The following THRAP3 variants were observed in gnomAD, a reference collection of about 807,000 sequenced individuals.
The protein encoded by THRAP3 is thyroid hormone receptor associated protein 3.
THRAP3 carries 16 observed loss-of-function variants against 101.0 expected under a neutral mutation model. The observed-to-expected ratio is 0.16, with a 90% CI of 0.11 to 0.24. The LOEUF (loss-of-function observed/expected upper bound fraction) is 0.24, where lower values mean the gene tolerates loss of function less well. Among genes scored for constraint, THRAP3 ranks in the 10% least tolerant of loss-of-function variants. The pLI, the probability that THRAP3 is intolerant of heterozygous loss-of-function variation, is 1.00. For synonymous variants in THRAP3, 407 were observed against 422.6 expected (o/e 0.96, Z 0.45); for missense variants, 989 against 1,202.7 (o/e 0.82, Z 2.63).
intron 1 of THRAP3, among the ~76,000 whole-genome samples, chr1:36,252,749 A>G (rs1645318317): frequency 6.6e-6 from 1 of 151,542 alleles, no homozygotes; most frequent in African/African-American, 2.4e-5. Context: ...TACTAAAAAT[A>G]CAAAAAAATT....
At chr1:36,292,256 CTTTGTTTCTTTTTTTTTT>C (rs1485530986) in intron 6 of THRAP3, among the ~76,000 whole-genome samples, 8 of 54,562 alleles carry the variant, frequency 1.5e-4, no homozygotes, top group Admixed American at 3.7e-4. Context: ...TAATGTGTTT[CTTTGTTTCTTTTTTTTTT>C]TTTTTTTTTT....
At chr1:36,230,627 T>A (rs887593778) in intron 1 of THRAP3, among the ~76,000 whole-genome samples, 5 of 152,178 alleles carry the variant, frequency 3.3e-5, no homozygotes, top group Non-Finnish European at 7.4e-5. Flanking sequence ...TATACTCATA[T>A]CTTTTGTAGT....
rs868329631 is a variant in THRAP3, at chr1:36,281,083, T to G, written c.-31-1450T>G. 4.0e-5 allele frequency among the ~76,000 whole-genome samples: 6 copies of G among 151,884 alleles called. No individual in the cohort carries two copies. In the South Asian group the frequency reaches 1.2e-3, roughly 32 times the overall value. On this transcript the variant is annotated intron_variant, in intron 2 of 11. Transcript: ENST00000354618. ...TGGGATTACAGGCACCCGCCACTAC[T>G]TTTAGTAGAGATGGGGTTTCACCAT...
intron 1 of THRAP3, among the ~76,000 whole-genome samples, chr1:36,229,631 C>A (rs1271128163): frequency 1.3e-5 from 2 of 150,662 alleles, no homozygotes; most frequent in Non-Finnish European, 3.0e-5. Context: ...AGAAATGGAG[C>A]TTTTTGTTTG....
intron 1 of THRAP3, among the ~76,000 whole-genome samples, chr1:36,255,086 AT>A (rs879925583): frequency 8.0e-5 from 12 of 149,378 alleles, no homozygotes; most frequent in African/African-American, 9.8e-5. Context: ...TATGCTTAGT[AT>A]TTTTTTTTTA....
chr1:36,298,690 C>T (rs1380914870), intron 9 of THRAP3, among the ~76,000 whole-genome samples: 7 of 151,948 alleles, frequency 4.6e-5, no homozygotes, highest in Non-Finnish European at 8.8e-5. Flanking sequence ...TTTGTAGAGA[C>T]GAGGGCTTGC....
the THRAP3 span, among the ~76,000 whole-genome samples, chr1:36,212,460 G>C: frequency 2.8e-3 from 359 of 126,814 alleles, 1 homozygote; most frequent in African/African-American, 0.011. Flanking sequence ...TTGCTCTTTC[G>C]GCCAGGCTGA....
At chr1:36,287,708 C>T (rs1199687180) in intron 4 of THRAP3, 27 of 985,422 alleles carry the variant, frequency 2.7e-5, no homozygotes, top group Non-Finnish European at 3.3e-5. Flanking sequence ...CCCTCAATAC[C>T]CTCCAGTTGA....
intron 11 of THRAP3, 96 bp downstream of exon 11, chr1:36,301,792 A>G: frequency 1.4e-6 from 2 of 1,467,186 alleles, no homozygotes; most frequent in East Asian, 4.6e-5. Flanking sequence ...AACTGCGATT[A>G]AATGTACGTG....
At chr1:36,209,959 G>A in the THRAP3 span, among the ~76,000 whole-genome samples, 1 of 152,320 alleles carries the variant, frequency 6.6e-6, no homozygotes, top group South Asian at 2.1e-4. Context: ...ACAGGTGGAG[G>A]TAGAGAGGGA....
In THRAP3 at chr1:36,246,997, C is replaced by G. The variant is rs947581563; in HGVS notation, c.-134-12385C>G. ...AAAATATTGAGGGCTTCAGTTTTCT[C>G]AAGGGCCTTTCTTAGTCTTTTTTAA... On this transcript the variant is annotated intron_variant, in intron 1 of 11. Transcript: ENST00000354618. Among the ~76,000 whole-genome samples the G allele has an allele frequency of 7.9e-5, 12 of 152,066 alleles. 1 individual carries two copies. Among genetic ancestry groups the G allele is most frequent in the African/African-American group, 2.4e-5 (1 of 41,406 alleles).
Position 36,301,795 on chromosome 1 carries a change from T to A in THRAP3, c.2646+99T>A, listed in dbSNP as rs1190571369. ...TAGTTTGTCCAAAACTGCGATTAAA[T>A]GTACGTGCAGGATTATTGCACTGGG... is the stretch of plus-strand genomic sequence containing the variant. On this transcript the variant is annotated intron_variant, in intron 11 of 11. Coordinates refer to ENST00000354618, the MANE Select transcript of THRAP3 (RefSeq NM_005119.4). 6.2e-6 allele frequency: 9 copies of A among 1,457,124 alleles called. No homozygotes were observed. The East Asian group carries it at 2.1e-4, about 33-fold the overall frequency. 90.3% of individuals were successfully genotyped at this position (1,457,124 alleles called of 1,614,324 possible).
chr1:36,220,134 C>G (rs767894668), upstream of THRAP3, among the ~76,000 whole-genome samples: 1 of 152,148 alleles, frequency 6.6e-6, no homozygotes, highest in Non-Finnish European at 1.5e-5. Flanking sequence ...GCTGGGATTA[C>G]AGATGCACAC....
At chr1:36,280,633 G>A (rs1645718615) in intron 2 of THRAP3, among the ~76,000 whole-genome samples, 1 of 152,202 alleles carries the variant, frequency 6.6e-6, no homozygotes, top group African/African-American at 2.4e-5. Context: ...TGATAGAATA[G>A]GCCCTGGAGT....
At chr1:36,231,437 G>A (rs1645026853) in intron 1 of THRAP3, among the ~76,000 whole-genome samples, 3 of 152,154 alleles carry the variant, frequency 2.0e-5, no homozygotes, top group African/African-American at 7.2e-5. Flanking sequence ...GCATAGCTTG[G>A]CCTGTCTCAG....
At chr1:36,247,251 A>C (rs1645242459) in intron 1 of THRAP3, among the ~76,000 whole-genome samples, 1 of 152,054 alleles carries the variant, frequency 6.6e-6, no homozygotes, top group East Asian at 2.0e-4. Context: ...TGGGAGGCAC[A>C]GGTTGCAGTG....
At chr1:36,239,415 C>T (rs531991407) in intron 1 of THRAP3, among the ~76,000 whole-genome samples, 64 of 152,162 alleles carry the variant, frequency 4.2e-4, no homozygotes, top group East Asian at 7.7e-4. Flanking sequence ...TACAGGTTTG[C>T]GCCACCATGG....
the THRAP3 span, among the ~76,000 whole-genome samples, chr1:36,207,712 G>A: frequency 6.2e-4 from 94 of 152,308 alleles, no homozygotes; most frequent in African/African-American, 2.2e-3. Flanking sequence ...AACCACCTGA[G>A]GCTCTGAACT....
intron 1 of THRAP3, among the ~76,000 whole-genome samples, chr1:36,243,078 A>C (rs1429970329): frequency 1.3e-5 from 2 of 150,230 alleles, no homozygotes; most frequent in African/African-American, 2.4e-5. Context: ...CAAAAATAGA[A>C]TGCTGATTGT....
Sources: gnomAD v4.1 joint callset for allele counts (sites outside exome capture counted in the v4.1 genomes callset) on GRCh38, gnomAD v4.1.1 for gene constraint, MANE v1.5 for transcripts, NCBI Gene and HGNC (gene_info 2026-07-23, HGNC 2026-07-21) for gene names.